Variants in VSTM2B observed in about 807,000 individuals in gnomAD.
The protein encoded by VSTM2B is V-set and transmembrane domain containing 2B, also known as V-set and transmembrane domain-containing protein 2B.
In VSTM2B, 24 loss-of-function variants were observed where a neutral mutation model predicts 24.0. That is an observed-to-expected ratio of 1.00 (90% CI 0.72 to 1.40). The LOEUF is 1.40. Among genes scored for constraint, VSTM2B ranks in the 40% most tolerant of loss-of-function variants. The pLI is 0.00. For synonymous variants in VSTM2B, 226 were observed against 194.4 expected, an observed-to-expected ratio of 1.16 and a Z score of -1.35; for missense variants, 399 against 416.4, an observed-to-expected ratio of 0.96 and a Z score of 0.36.
At chr19:29,527,479 G>T in intron 2 of VSTM2B, 84 bp downstream of exon 2, 2 of 1,265,458 alleles carry the variant, frequency 1.6e-6, no homozygotes, top group Non-Finnish European at 2.1e-6. Flanking sequence ...GAAGCAGCGG[G>T]CTTCACTCGC....
intron 4 of VSTM2B, among the ~76,000 whole-genome samples, chr19:29,553,096 C>T (rs1970324117): frequency 6.6e-6 from 1 of 152,052 alleles, no homozygotes; most frequent in Admixed American, 6.5e-5. Flanking sequence ...ATAGCACACC[C>T]CCTCTGCCAA....
chr19:29,538,975 C>T (rs1003648472), intron 4 of VSTM2B, among the ~76,000 whole-genome samples: 1 of 152,076 alleles, frequency 6.6e-6, no homozygotes, highest in African/African-American at 2.4e-5. Context: ...GCTGATGGAG[C>T]TCAGAAACAG....
rs150741669 is a variant in VSTM2B at position 29,559,988 on chromosome 19, C to G, written c.770-3858C>G. Among the ~76,000 whole-genome samples the G allele has an allele frequency of 1.2e-4, 18 of 152,226 alleles. 1 individual carries two copies. The South Asian group carries it at 3.5e-3, about 30-fold the overall frequency. ...TCATTCATGTGTCTATGATCGGCTG[C>G]TAATTCAATTGAGGCCATGTTGGTC... On this transcript the variant is annotated intron_variant, in intron 4 of 4. Coordinates refer to ENST00000335523, the MANE Select transcript of VSTM2B (RefSeq NM_001146339.2).
In VSTM2B at chr19:29,529,924, G is replaced by T; in HGVS notation, c.403G>T (p.Asp135Tyr). The change falls in exon 4 of 5, where the codon GAC (aspartate) becomes TAC (tyrosine). Residue 135 changes from aspartate to tyrosine, a missense_variant. Transcript: ENST00000335523. The part of the protein sequence containing the change: ...YECRVSDYSD[D>Y]DTQEHKAQAM... ...GTGCCGCGTGTCGGACTACAGCGAC[G>T]ACGACACGCAGGAGCACAAGGCCCA... 5 of 1,550,142 alleles carry T rather than the reference G, an allele frequency of 3.2e-6. No homozygotes were observed. Among genetic ancestry groups the T allele is most frequent in the Non-Finnish European group, 4.4e-6 (5 of 1,146,852 alleles).
Position 29,527,330 on chromosome 19 carries a change from C to A in VSTM2B, c.202C>A (p.Leu68Ile). 6.5e-7 allele frequency: 1 copy of A among 1,549,350 alleles called. No homozygotes were observed. Among genetic ancestry groups the A allele is most frequent in the Non-Finnish European group, 8.7e-7 (1 of 1,146,594 alleles). Residue 68 changes from leucine (L) to isoleucine (I), a missense_variant, in exon 2 of 5, where the codon CTC becomes ATC. Leu to Ile is a conservative substitution (Grantham distance 5). Transcript: ENST00000335523. Reference sequence around the variant, plus strand: ...TTCGCTGGAGATTCAGTGGTGGTACCTCAAGGAGCCACCCCGGGAGCTGCT... The same window carrying A: ...TTCGCTGGAGATTCAGTGGTGGTACATCAAGGAGCCACCCCGGGAGCTGCT... ...SYSLEIQWWY[L>I]KEPPRELLHE...
rs1194027771 is a variant in VSTM2B, at chr19:29,529,950, G to T, written c.429G>T (p.Gln143His). The change falls in exon 4 of 5, where the codon CAG (glutamine) becomes CAT (histidine). Residue 143 changes from glutamine to histidine, a missense_variant. Gln to His is a conservative substitution (Grantham distance 24). Coordinates refer to ENST00000335523, the MANE Select transcript of VSTM2B (RefSeq NM_001146339.2). Reference sequence around the variant, plus strand: ...ACGACACGCAGGAGCACAAGGCCCAGGCGATGCTGCGCGTGCTCTCGCGCT... The same window carrying T: ...ACGACACGCAGGAGCACAAGGCCCATGCGATGCTGCGCGTGCTCTCGCGCT... ...SDDDTQEHKA[Q>H]AMLRVLSRFA... 2.6e-6 allele frequency: 4 copies of T among 1,549,112 alleles called. No individual in the cohort carries two copies. The highest frequency in any genetic ancestry group is 3.5e-6 in the Non-Finnish European group (4 of 1,146,734).
intron 3 of VSTM2B, chr19:29,528,845 C>T: frequency 2.1e-6 from 2 of 932,192 alleles, no homozygotes; most frequent in African/African-American, 3.5e-5. Flanking sequence ...GCCAGCTTCC[C>T]GCCCCCTCTG....
chr19:29,528,540 G>C, intron 3 of VSTM2B, 78 bp downstream of exon 3: 1 of 1,519,406 alleles, frequency 6.6e-7, no homozygotes, highest in African/African-American at 1.4e-5. Flanking sequence ...CCCTTAGCAA[G>C]CCGCGGCGGC....
intron 4 of VSTM2B, among the ~76,000 whole-genome samples, chr19:29,537,101 C>G (rs561556013): frequency 1.3e-5 from 2 of 152,322 alleles, no homozygotes; most frequent in South Asian, 4.1e-4. Context: ...GAAGGCTTCA[C>G]TTTGCCTTAC....
At chr19:29,548,905 G>T (rs1440262424) in intron 4 of VSTM2B, among the ~76,000 whole-genome samples, 2 of 152,198 alleles carry the variant, frequency 1.3e-5, no homozygotes, top group African/African-American at 2.4e-5. Context: ...AGCAAAAGGG[G>T]CCCAACTGCG....
In VSTM2B at chr19:29,544,525, CAAAAAAAAAAAAAAAAA is replaced by C. The variant is rs58540469; in HGVS notation, c.769+14250_769+14266del. Among the ~76,000 whole-genome samples the C allele has an allele frequency of 2.4e-4, 13 of 54,358 alleles. 1 individual carries two copies. Among genetic ancestry groups the C allele is most frequent in the African/African-American group, 7.7e-4 (10 of 12,994 alleles). The allele number at this position is 54,358 out of a possible 152,430, so 35.7% of individuals were successfully genotyped here. ...TGGGCGAAAGAGCGAGACTCTGTCT[CAAAAAAAAAAAAAAAAA>C]AAAAAAAAAAAAAACTGAATGTGCC... On this transcript the variant is annotated intron_variant, in intron 4 of 4. Transcript: ENST00000335523.
rs1348296259 is a variant in VSTM2B, at chr19:29,527,204, C to A, written c.83-7C>A. The A allele has an allele frequency of 6.5e-7, 1 of 1,546,900 alleles. No individual in the cohort carries two copies. ...GGTCACGCCTCTCTCTCTCTCCCCA[C>A]CCCCAGCTGCATTCACAGAAGTCCC... is the stretch of plus-strand genomic sequence containing the variant. On this transcript the variant is annotated splice_region_variant and splice_polypyrimidine_tract_variant and intron_variant, in intron 1 of 4. Transcript: ENST00000335523.
intron 4 of VSTM2B, 69 bp downstream of exon 4, chr19:29,530,359 CG>C (rs1387890585): frequency 8.9e-6 from 12 of 1,345,108 alleles, no homozygotes; most frequent in Admixed American, 3.8e-5. Flanking sequence ...CGGGACGCCC[CG>C]GGGGGCTCCG....
chr19:29,556,739 T>A (rs1045660512), intron 4 of VSTM2B, among the ~76,000 whole-genome samples: 1 of 151,882 alleles, frequency 6.6e-6, no homozygotes, highest in Non-Finnish European at 1.5e-5. Flanking sequence ...CAAGCAACAA[T>A]AGACAAAAAG....
At chr19:29,557,702 A>T (rs1217161597) in intron 4 of VSTM2B, among the ~76,000 whole-genome samples, 4 of 151,276 alleles carry the variant, frequency 2.6e-5, no homozygotes, top group Non-Finnish European at 4.4e-5. Flanking sequence ...TCCATCTCAA[A>T]AAAAAAAAAA....
At chr19:29,557,479 C>T (rs752128810) in intron 4 of VSTM2B, among the ~76,000 whole-genome samples, 3 of 152,142 alleles carry the variant, frequency 2.0e-5, no homozygotes, top group Non-Finnish European at 2.9e-5. Context: ...GGGTGGATCA[C>T]CTGAGGTCAG....
intron 4 of VSTM2B, among the ~76,000 whole-genome samples, chr19:29,547,062 C>A (rs1970173492): frequency 1.3e-5 from 2 of 152,156 alleles, no homozygotes; most frequent in South Asian, 4.1e-4. Flanking sequence ...CAAGTCCCAG[C>A]CCTGCTGTTT....
At chr19:29,562,466 T>C (rs1970552529) in intron 4 of VSTM2B, among the ~76,000 whole-genome samples, 1 of 152,130 alleles carries the variant, frequency 6.6e-6, no homozygotes, top group Non-Finnish European at 1.5e-5. Flanking sequence ...TACTGAAAAT[T>C]GACACAGGGT....
chr19:29,548,626 C>T (rs192926376), intron 4 of VSTM2B, among the ~76,000 whole-genome samples: 115 of 152,304 alleles, frequency 7.6e-4, no homozygotes, highest in African/African-American at 2.4e-3. Flanking sequence ...GCCAGTGCTG[C>T]GTCCAGGGGA....
Sources: gnomAD v4.1 joint callset for allele counts (sites outside exome capture counted in the v4.1 genomes callset) on GRCh38, gnomAD v4.1.1 for gene constraint, MANE v1.5 for transcripts, NCBI Gene and HGNC (gene_info 2026-07-23, HGNC 2026-07-21) for gene names.